Variants in PLEKHA8 observed in about 807,000 individuals in gnomAD.
The protein encoded by PLEKHA8 is pleckstrin homology domain-containing family A member 8.
Under a neutral mutation model 68.2 loss-of-function variants are expected in PLEKHA8, and 36 were observed. The ratio of observed to expected loss-of-function variants is 0.53; its 90% CI spans 0.40 to 0.70. The LOEUF is 0.70. PLEKHA8 is among the 30% of genes least tolerant of loss of function. The probability of loss-of-function intolerance (pLI) is 0.00; values close to 1 mark genes in which losing one functional copy is unlikely to be tolerated. For missense variants in PLEKHA8, 505 were observed against 615.4 expected (o/e 0.82, Z 1.90); for synonymous variants, 211 against 216.1 (o/e 0.98, Z 0.20).
chr7:30,115,731 C>CG (rs1385799332), intron 13 of PLEKHA8: 1 of 119,448 alleles, frequency 8.4e-6, no homozygotes, highest in Non-Finnish European at 1.9e-5. Context: ...CATGCATACA[C>CG]GTATACATGT....
chr7:30,124,029 T>G (rs1289625889), intron 13 of PLEKHA8, among the ~76,000 whole-genome samples: 2 of 152,252 alleles, frequency 1.3e-5, no homozygotes, highest in Non-Finnish European at 2.9e-5. Context: ...AGATGTCAGC[T>G]ATTTTGGTTA....
chr7:30,120,139 G>GCT (rs1053456590), intron 13 of PLEKHA8, among the ~76,000 whole-genome samples: 7 of 148,952 alleles, frequency 4.7e-5, no homozygotes, highest in Admixed American at 6.7e-5. Context: ...CAGTAGGATG[G>GCT]CTGTAATACA....
chr7:30,113,487 C>T (rs763243432), intron 13 of PLEKHA8, among the ~76,000 whole-genome samples: 1 of 152,146 alleles, frequency 6.6e-6, no homozygotes, highest in Non-Finnish European at 1.5e-5. Context: ...CCTCTGGTGG[C>T]ATTTAGGATC....
rs200923224 is a variant in PLEKHA8, at chr7:30,054,851, T to A, written c.939T>A (p.Ser313Arg). Reference sequence around the variant, plus strand: ...AAGAAGTTATCCCAACTTTCTTTAGTACCATGAACACAAGGTATTCTAGAC... The same window carrying A: ...AAGAAGTTATCCCAACTTTCTTTAGAACCATGAACACAAGGTATTCTAGAC... ...EGKEVIPTFF[S>R]TMNTSFSDIE... is the part of the protein sequence containing the mutation. Residue 313 changes from serine (S) to arginine (R), a missense_variant, in exon 8 of 14, where the codon AGT becomes AGA. Physicochemically the swap from Ser to Arg is moderately radical, Grantham distance 110 (BLOSUM62 -1). Transcript: ENST00000449726. 5.0e-4 allele frequency: 808 copies of A among 1,606,988 alleles called. No homozygotes were observed. The highest frequency in any genetic ancestry group is 6.6e-4 in the Non-Finnish European group (774 of 1,177,058).
intron 13 of PLEKHA8, chr7:30,075,059 A>G (rs1794529003): frequency 6.6e-6 from 1 of 152,170 alleles, no homozygotes; most frequent in Non-Finnish European, 1.5e-5. Context: ...ATGTACTCAC[A>G]TTCTTTGGAA....
intron 6 of PLEKHA8, among the ~76,000 whole-genome samples, chr7:30,050,987 C>T (rs1792361424): frequency 6.6e-6 from 1 of 152,166 alleles, no homozygotes; most frequent in Non-Finnish European, 1.5e-5. Flanking sequence ...ATAGCCTCAA[C>T]ATCGTGGGCC....
At chr7:30,062,102 A>C (rs1245092878) in intron 11 of PLEKHA8, 75 bp downstream of exon 11, 83 of 1,507,516 alleles carry the variant, frequency 5.5e-5, no homozygotes, top group Non-Finnish European at 6.4e-5. Flanking sequence ...TTGTTACACA[A>C]AGGAGACTAC....
Position 30,108,067 on chromosome 7 carries a change from C to CAAAAAAAAAAAAAAAAA in PLEKHA8, c.1363-21190_1363-21174dup, listed in dbSNP as rs796801365. 6.8e-4 allele frequency among the ~76,000 whole-genome samples: 36 copies of CAAAAAAAAAAAAAAAAA among 52,820 alleles called. 1 individual carries two copies. Among genetic ancestry groups the CAAAAAAAAAAAAAAAAA allele is most frequent in the African/African-American group, 2.5e-3 (34 of 13,648 alleles). 34.7% of individuals were successfully genotyped at this position (52,820 alleles called of 152,430 possible). A position where few individuals can be genotyped will look rare whatever the true frequency, so the allele number is the denominator to read the frequency against. ...CTGGGCAAAAAGCAAAACTCCATCTCAAAAAAAAAAAAAAAAAAAAAAAAA... is the reference window on the plus strand; with the variant it reads ...CTGGGCAAAAAGCAAAACTCCATCTCAAAAAAAAAAAAAAAAAAAAAAAAAAAAAAAAAAAAAAAAAA... On this transcript the variant is annotated intron_variant, in intron 13 of 13. Coordinates refer to the PLEKHA8 transcript ENST00000396257.
intron 4 of PLEKHA8, 43 bp downstream of exon 4, chr7:30,047,999 A>G (rs530729758): frequency 2.7e-6 from 3 of 1,102,716 alleles, no homozygotes; most frequent in Admixed American, 7.9e-5. Context: ...CATGAATAAT[A>G]TAAAAGAAGT....
intron 13 of PLEKHA8, among the ~76,000 whole-genome samples, chr7:30,106,670 T>A (rs1425009187): frequency 6.6e-6 from 1 of 152,178 alleles, no homozygotes; most frequent in African/African-American, 2.4e-5. Flanking sequence ...TGGGTTGCAC[T>A]TAAATGGAGT....
At position 30,049,335 on chromosome 7, in the gene PLEKHA8, C is replaced by T. The variant is rs755443799; in HGVS notation, c.550C>T (p.Arg184Cys). 12 of 1,613,984 alleles carry T rather than the reference C, an allele frequency of 7.4e-6. No individual in the cohort carries two copies. The highest frequency in any genetic ancestry group is 6.7e-5 in the East Asian group (3 of 44,882). The change falls in exon 5 of 14, where the codon CGC (arginine) becomes TGC (cysteine). Residue 184 changes from arginine (R) to cysteine (C), a missense_variant. By Grantham distance (180) the Arg-to-Cys change is radical. Transcript: ENST00000449726. ...NAAFTSELLY[R>C]TPPGSPQLAM... ...AGCCTTCACCTCTGAGCTGCTCTACCGCACTCCACCAGGATCACCTCAGCT... is the reference window on the plus strand; with the variant it reads ...AGCCTTCACCTCTGAGCTGCTCTACTGCACTCCACCAGGATCACCTCAGCT...
intron 12 of PLEKHA8, among the ~76,000 whole-genome samples, chr7:30,066,984 A>G (rs1793892330): frequency 6.6e-6 from 1 of 152,332 alleles, no homozygotes; most frequent in South Asian, 2.1e-4. Flanking sequence ...TGGAATGTGA[A>G]TTGTAATACT....
At chr7:30,116,083 C>T (rs1163343818) in intron 13 of PLEKHA8, 3 of 150,338 alleles carry the variant, frequency 2.0e-5, no homozygotes, top group African/African-American at 7.4e-5. Flanking sequence ...TGTATACATA[C>T]GCATACATAC....
chr7:30,072,185 A>C (rs1240637917), intron 12 of PLEKHA8: 2 of 152,200 alleles, frequency 1.3e-5, no homozygotes, highest in African/African-American at 2.4e-5. Context: ...TTCATACTTG[A>C]ATGTATTAAT....
At chr7:30,053,148 A>T (rs1792558924) in intron 7 of PLEKHA8, among the ~76,000 whole-genome samples, 1 of 152,188 alleles carries the variant, frequency 6.6e-6, no homozygotes, top group Admixed American at 6.5e-5. Context: ...CTGTATCTTA[A>T]AAGTCCTTTG....
At chr7:30,100,078 C>T (rs1795793091) in intron 13 of PLEKHA8, among the ~76,000 whole-genome samples, 1 of 152,134 alleles carries the variant, frequency 6.6e-6, no homozygotes, top group Admixed American at 6.5e-5. Flanking sequence ...CAATCTCTGC[C>T]TCTATCTTTA....
At chr7:30,056,999 G>T (rs1306007248) in intron 9 of PLEKHA8, among the ~76,000 whole-genome samples, 2 of 150,074 alleles carry the variant, frequency 1.3e-5, no homozygotes, top group South Asian at 2.1e-4. Context: ...TATAAAGTCA[G>T]TAATACCAAC....
downstream of PLEKHA8, among the ~76,000 whole-genome samples, chr7:30,085,717 G>C (rs964971136): frequency 6.6e-6 from 1 of 152,206 alleles, no homozygotes; most frequent in Admixed American, 6.5e-5. Flanking sequence ...CGTTAGAATT[G>C]AGAGTGGGAG....
At position 30,081,433 on chromosome 7, in the gene PLEKHA8, C is replaced by G; in HGVS notation, c.*2646C>G. ...AGCTTAACCTGAACCTTGGCATAGT[C>G]AGAGCTTCCTCCTACATCTAAAGTA... On this transcript the variant is annotated 3_prime_UTR_variant, in exon 14 of 14. Transcript: ENST00000449726. 1.0e-6 allele frequency: 1 copy of G among 984,662 alleles called. No individual in the cohort carries two copies. The highest frequency in any genetic ancestry group is 1.2e-6 in the Non-Finnish European group (1 of 829,232). 61.0% of individuals were successfully genotyped at this position (984,662 alleles called of 1,614,324 possible).
Sources: allele counts gnomAD v4.1 joint callset (sites outside exome capture counted in the v4.1 genomes callset), GRCh38; gene constraint gnomAD v4.1.1; transcripts MANE v1.5; gene names NCBI Gene and HGNC (gene_info 2026-07-23, HGNC 2026-07-21).